Variants in SSR4 observed in about 807,000 individuals in gnomAD.
The protein encoded by SSR4 is translocon-associated protein subunit delta.
For missense variants in SSR4, 125 were observed against 148.8 expected (o/e 0.84, Z 0.83); for synonymous variants, 84 against 65.6 (o/e 1.28, Z -1.35).
At chrX:153,797,922 C>T in intron 4 of SSR4, 108 bp downstream of exon 4, 1 of 857,303 alleles carries the variant, frequency 1.2e-6, no homozygotes, top group East Asian at 3.2e-5. Context: ...TTCTGTGATC[C>T]TGTCCCTTCC....
In SSR4 at chrX:153,798,481, G is replaced by A. The variant is rs1396523342; in HGVS notation, c.*48G>A. 3 of 1,084,266 alleles carry A rather than the reference G, an allele frequency of 2.8e-6. No homozygotes were observed. Among genetic ancestry groups the A allele is most frequent in the African/African-American group, 3.6e-5 (2 of 55,144 alleles). The allele number at this position is 1,084,266 out of a possible 1,213,427, so 89.4% of individuals were successfully genotyped here. On this transcript the variant is annotated 3_prime_UTR_variant, in exon 6 of 6. Coordinates refer to ENST00000370086, the MANE Select transcript of SSR4 (RefSeq NM_006280.3). ...TTGCTTCCTTCAATAAACATCACAGGACCTGGGACTGCACAGGACCTGGGG... is the reference window on the plus strand; with the variant it reads ...TTGCTTCCTTCAATAAACATCACAGAACCTGGGACTGCACAGGACCTGGGG...
chrX:153,798,000 T>TCCCCAACC, intron 4 of SSR4, 71 bp from the exon 5 acceptor site: 1 of 704,003 alleles, frequency 1.4e-6, no homozygotes, highest in Non-Finnish European at 2.3e-6. Flanking sequence ...TACCTGTCTT[T>TCCCCAACC]CCCCTCCCCT....
upstream of SSR4, chrX:153,794,646 C>T (rs1557071677): frequency 8.3e-7 from 1 of 1,211,310 alleles, no homozygotes; most frequent in South Asian, 1.8e-5. Context: ...CCCTCGTGTT[C>T]ATGGGAGCTC....
chrX:153,797,848 T>G, intron 4 of SSR4, 34 bp downstream of exon 4: 3 of 1,100,032 alleles, frequency 2.7e-6, no homozygotes, highest in South Asian at 2.0e-5. Flanking sequence ...TGCTCCCCTG[T>G]CCCTGGGGAG....
upstream of SSR4, chrX:153,794,352 T>C (rs1442813580): frequency 8.4e-7 from 1 of 1,183,526 alleles, no homozygotes; most frequent in East Asian, 3.1e-5. Flanking sequence ...CCTCCGCACG[T>C]CCCGACACGC....
chrX:153,796,413 ATC>A lies in SSR4; in HGVS notation c.68-16_68-15del. On this transcript the variant is annotated intron_variant, in intron 1 of 5. Coordinates refer to ENST00000370086, the MANE Select transcript of SSR4 (RefSeq NM_006280.3). ...ATACTCGAGCTGGCCTTACCCAGGC[ATC>A]TCTCCCTCTTCCCCGCAGCCGAGGC... is the stretch of plus-strand genomic sequence containing the variant. The A allele has an allele frequency of 2.7e-6, 3 of 1,115,560 alleles. No individual in the cohort carries two copies. Among genetic ancestry groups the A allele is most frequent in the Non-Finnish European group, 3.7e-6 (3 of 808,693 alleles). 91.9% of individuals were successfully genotyped at this position (1,115,560 alleles called of 1,213,427 possible).
At chrX:153,794,367 A>G (rs782420468), upstream of SSR4, 35 of 1,170,897 alleles carry the variant, frequency 3.0e-5, no homozygotes, top group East Asian at 1.6e-4. Flanking sequence ...ACACGCAGAT[A>G]CCGCTCTCGC....
In SSR4 at chrX:153,797,520, G is replaced by A; in HGVS notation, c.249G>A (p.Val83=). The stretch of plus-strand genomic sequence containing the variant: ...TCCCTGTCACTCGAGGCCAGGATGT[G>A]GGGCGTTATCAGGTGAGGGGCCAAT... ...KQFPVTRGQD[V]GRYQVSWSLD... is the part of the protein sequence containing the mutation. The change falls in exon 3 of 6, where the codon GTG becomes GTA. Residue 83 remains valine, a synonymous_variant. Transcript: ENST00000370086. The A allele has an allele frequency of 8.3e-7, 1 of 1,210,900 alleles. No individual in the cohort carries two copies. The highest frequency in any genetic ancestry group is 1.1e-6 in the Non-Finnish European group (1 of 894,448).
At chrX:153,796,391 C>T (rs782086320) in intron 1 of SSR4, 43 bp from the exon 2 acceptor site, 16 of 1,006,763 alleles carry the variant, frequency 1.6e-5, no homozygotes, top group Middle Eastern at 5.1e-4. Flanking sequence ...GACCGGGATA[C>T]TCGAGCTGGC....
chrX:153,796,922 C>T, intron 2 of SSR4: 1 of 197,227 alleles, frequency 5.1e-6, no homozygotes, highest in Non-Finnish European at 9.4e-6. Context: ...ACTCTGTTGC[C>T]TCAGCTGGAG....
chrX:153,797,245 T>C, intron 2 of SSR4: 1 of 430,841 alleles, frequency 2.3e-6, no homozygotes, highest in East Asian at 3.8e-5. Flanking sequence ...GGCCCGGCCA[T>C]GGGGATCTGG....
upstream of SSR4, chrX:153,794,388 C>T: frequency 8.7e-7 from 1 of 1,154,571 alleles, no homozygotes; most frequent in Non-Finnish European, 1.2e-6. Context: ...GAGAGTTCGA[C>T]GGGGTGCGAA....
At chrX:153,794,667 C>T (rs782061175), upstream of SSR4, 105 of 1,211,294 alleles carry the variant, frequency 8.7e-5, no homozygotes, top group South Asian at 1.2e-3. Context: ...GTTTTCTTTT[C>T]CTCTAGGCAG....
At chrX:153,796,218 C>T (rs1006455913) in intron 1 of SSR4, 42 of 410,993 alleles carry the variant, frequency 1.0e-4, no homozygotes, top group African/African-American at 8.2e-4. Flanking sequence ...CCGGCCTTGC[C>T]CCTCCCCAGC....
upstream of SSR4, chrX:153,794,265 A>G: frequency 8.3e-7 from 1 of 1,197,925 alleles, no homozygotes; most frequent in Non-Finnish European, 1.1e-6. Context: ...ACGGCAGAGA[A>G]GGGCTGGCCC....
At chrX:153,796,768 A>C in intron 2 of SSR4, 1 of 391,895 alleles carries the variant, frequency 2.6e-6, no homozygotes, top group Non-Finnish European at 4.4e-6. Flanking sequence ...CCCTGGGCTC[A>C]CCACCCGCTG....
rs373848207 is a variant in SSR4, at chrX:153,798,053, C to T, written c.352-18C>T. ...AGGCACCCCTGACCCCAGCACCTCC[C>T]TTGCACCTCCCTTGCAGGCTCAGAG... On this transcript the variant is annotated intron_variant, in intron 4 of 5. Coordinates refer to ENST00000370086, the MANE Select transcript of SSR4 (RefSeq NM_006280.3). The T allele has an allele frequency of 7.5e-5, 90 of 1,206,322 alleles. No individual in the cohort carries two copies. The African/African-American group carries it at 1.5e-3, about 20-fold the overall frequency.
Position 153,798,377 on chromosome X carries a change from A to T in SSR4, c.466A>T (p.Ile156Phe). Residue 156 changes from isoleucine to phenylalanine, a missense_variant, in exon 6 of 6, where the codon ATC becomes TTC. Ile to Phe is a conservative substitution (Grantham distance 21). Transcript: ENST00000370086. ...GTCCACTGAGGTGCTGGCTGCGGCG[A>T]TCGGCCTTGTGATCTACTACTTGGC... ...WVSTEVLAAA[I>F]GLVIYYLAFS... is the part of the protein sequence containing the mutation. 11 of 1,204,773 alleles carry T rather than the reference A, an allele frequency of 9.1e-6. No homozygotes were observed. Among genetic ancestry groups the T allele is most frequent in the Non-Finnish European group, 1.2e-5 (11 of 892,036 alleles).
intron 4 of SSR4, 76 bp downstream of exon 4, chrX:153,797,890 C>A: frequency 2.1e-6 from 2 of 941,298 alleles, no homozygotes; most frequent in Non-Finnish European, 3.0e-6. Context: ...GTGCTGGCAG[C>A]AAGTCCTGAG....
Sources: gnomAD v4.1 joint callset for allele counts on GRCh38, gnomAD v4.1.1 for gene constraint, MANE v1.5 for transcripts, NCBI Gene and HGNC (gene_info 2026-07-23, HGNC 2026-07-21) for gene names.